The following NEDD8 variants were observed in gnomAD, a reference collection of about 807,000 sequenced individuals.
The protein encoded by NEDD8 is ubiquitin-like protein NEDD8.
NEDD8 carries 1 observed loss-of-function variant against 13.8 expected under a neutral mutation model. The ratio of observed to expected loss-of-function variants is 0.07; its 90% CI spans 0.03 to 0.34. The LOEUF is 0.34. Ranked by LOEUF, NEDD8 falls within the 10% of genes least tolerant of loss-of-function variation. The pLI is 0.99. For missense variants in NEDD8, 10 were observed against 95.2 expected, an observed-to-expected ratio of 0.10 and a Z score of 3.73; for synonymous variants, 31 against 33.2, an observed-to-expected ratio of 0.93 and a Z score of 0.23.
intron 3 of NEDD8, 127 bp downstream of exon 3, chr14:24,218,006 C>T: frequency 8.6e-7 from 1 of 1,165,910 alleles, no homozygotes; most frequent in Non-Finnish European, 1.2e-6. Context: ...AGAGGCTTCA[C>T]CAGATTGCCA....
intron 2 of NEDD8, 27 bp downstream of exon 2, chr14:24,218,357 C>T (rs763991917): frequency 1.2e-6 from 2 of 1,614,236 alleles, no homozygotes; most frequent in Non-Finnish European, 1.7e-6. Context: ...GCAAGAAGTA[C>T]ATGAAGAGGA....
chr14:24,220,558 G>C (rs952586840), intron 1 of NEDD8, among the ~76,000 whole-genome samples: 1 of 152,182 alleles, frequency 6.6e-6, no homozygotes, highest in African/African-American at 2.4e-5. Context: ...ATGGGCTCAA[G>C]TGATCCTCCT....
Position 24,232,270 on chromosome 14 carries a change from T to C in NEDD8, c.-3A>G. 2 of 1,613,966 alleles carry C rather than the reference T, an allele frequency of 1.2e-6. No individual in the cohort carries two copies. The highest frequency in any genetic ancestry group is 8.5e-7 in the Non-Finnish European group (1 of 1,179,984). ...CCCACCTTCACTTTAATTAGCATCT[T>C]CTTTCCAGTTTGGGGCTGCACACGG... is the stretch of plus-strand genomic sequence containing the variant. On this transcript the variant is annotated 5_prime_UTR_variant, in exon 1 of 4. Coordinates refer to ENST00000250495, the MANE Select transcript of NEDD8 (RefSeq NM_006156.3).
At chr14:24,221,315 C>CA (rs1317465242) in intron 1 of NEDD8, among the ~76,000 whole-genome samples, 1 of 148,492 alleles carries the variant, frequency 6.7e-6, no homozygotes, top group African/African-American at 2.5e-5. Flanking sequence ...GACGGGGTCT[C>CA]AGTCTCACCC....
chr14:24,225,522 A>G (rs1335489773), intron 1 of NEDD8, among the ~76,000 whole-genome samples: 1 of 152,230 alleles, frequency 6.6e-6, no homozygotes, highest in Admixed American at 6.5e-5. Context: ...TTGCTTTAAA[A>G]AAATCAGGTA....
chr14:24,217,524 A>C (rs763992925), intron 3 of NEDD8, among the ~76,000 whole-genome samples: 19 of 152,108 alleles, frequency 1.2e-4, no homozygotes, highest in Non-Finnish European at 2.5e-4. Context: ...TCCTGACCTC[A>C]GGTGATCCAC....
chr14:24,219,476 A>C (rs1053841758), intron 1 of NEDD8, among the ~76,000 whole-genome samples: 37 of 47,718 alleles, frequency 7.8e-4, no homozygotes, highest in East Asian at 6.5e-3. Context: ...ACACCCTCGC[A>C]AAAAAAAAAA....
intron 1 of NEDD8, among the ~76,000 whole-genome samples, chr14:24,231,130 A>G (rs995519250): frequency 2.0e-5 from 3 of 151,712 alleles, no homozygotes; most frequent in South Asian, 2.1e-4. Flanking sequence ...GGCTCAAGCG[A>G]TCGGCCTGCC....
At chr14:24,221,674 T>C (rs1379147140) in intron 1 of NEDD8, among the ~76,000 whole-genome samples, 2 of 152,156 alleles carry the variant, frequency 1.3e-5, no homozygotes, top group African/African-American at 4.8e-5. Context: ...CAGCTCACCC[T>C]GCAACCTCTG....
At chr14:24,223,727 A>G (rs2039844665) in intron 1 of NEDD8, among the ~76,000 whole-genome samples, 1 of 119,174 alleles carries the variant, frequency 8.4e-6, no homozygotes, top group South Asian at 2.3e-4. Context: ...TCTTTTTTGG[A>G]AAAAAAAAAA....
At chr14:24,217,304 G>C in intron 3 of NEDD8, 81 bp from the exon 4 acceptor site, 2 of 1,002,882 alleles carry the variant, frequency 2.0e-6, no homozygotes, top group Non-Finnish European at 2.9e-6. Context: ...TGTTGTTGTT[G>C]TTTTTGACAG....
At chr14:24,224,252 T>G (rs2039855305) in intron 1 of NEDD8, among the ~76,000 whole-genome samples, 1 of 151,406 alleles carries the variant, frequency 6.6e-6, no homozygotes, top group African/African-American at 2.4e-5. Flanking sequence ...TTAGTAGAGA[T>G]GGGGTTTCAC....
rs553751731 is a variant in NEDD8, at chr14:24,218,381, C to T, written c.66+3G>A. On this transcript the variant is annotated splice_donor_region_variant and intron_variant, in intron 2 of 3. Transcript: ENST00000250495. ...ACATGAAGAGGAGTTGGGCATGCAT[C>T]ACCTTGTCTGTAGGTTCAATGTCAA... 1.2e-6 allele frequency: 2 copies of T among 1,614,204 alleles called. No individual in the cohort carries two copies. The highest frequency in any genetic ancestry group is 8.5e-7 in the Non-Finnish European group (1 of 1,180,046).
intron 1 of NEDD8, among the ~76,000 whole-genome samples, chr14:24,225,171 C>CAAAA (rs71281817): frequency 2.1e-4 from 26 of 123,926 alleles, no homozygotes; most frequent in African/African-American, 5.2e-4. Context: ...GACTCTGTCT[C>CAAAA]AAAAAAAAAA....
intron 1 of NEDD8, among the ~76,000 whole-genome samples, chr14:24,229,378 C>T (rs898040540): frequency 3.9e-5 from 6 of 152,190 alleles, no homozygotes; most frequent in African/African-American, 1.4e-4. Flanking sequence ...TGCCACCACA[C>T]TCGGCTAATT....
rs2766 is a variant in NEDD8, at chr14:24,216,939, C to A, written c.*188G>T. 19 of 587,884 alleles carry A rather than the reference C, an allele frequency of 3.2e-5. No homozygotes were observed. The African/African-American group carries it at 3.4e-4, about 10-fold the overall frequency. The allele number at this position is 587,884 out of a possible 1,614,324, so 36.4% of individuals were successfully genotyped here. A position where few individuals can be genotyped will look rare whatever the true frequency, so the allele number is the denominator to read the frequency against. On this transcript the variant is annotated 3_prime_UTR_variant, in exon 4 of 4. Transcript: ENST00000250495. ...AAGCACACAGGACTGCAAACTAACA[C>A]CCAGTAGCCAGCAAGGGCCCTCTGG...
chr14:24,218,104 C>T, intron 3 of NEDD8, 29 bp downstream of exon 3: 2 of 1,613,678 alleles, frequency 1.2e-6, no homozygotes, highest in Middle Eastern at 1.7e-4. Context: ...CATAAGATCG[C>T]CATGCTGTCA....
At chr14:24,224,692 C>T (rs2039861465) in intron 1 of NEDD8, among the ~76,000 whole-genome samples, 1 of 152,122 alleles carries the variant, frequency 6.6e-6, no homozygotes, top group South Asian at 2.1e-4. Context: ...CCCAATGAAA[C>T]AATGTATCTA....
chr14:24,225,030 A>G (rs1467419876), intron 1 of NEDD8, among the ~76,000 whole-genome samples: 2 of 152,090 alleles, frequency 1.3e-5, no homozygotes, highest in African/African-American at 2.4e-5. Context: ...ATGGTGGCGC[A>G]TGCCTGTAGT....
Sources: gnomAD v4.1 joint callset for allele counts (sites outside exome capture counted in the v4.1 genomes callset) on GRCh38, gnomAD v4.1.1 for gene constraint, MANE v1.5 for transcripts, NCBI Gene and HGNC (gene_info 2026-07-23, HGNC 2026-07-21) for gene names.